Variants in SPINK13 observed in about 807,000 individuals in gnomAD.
SPINK13 encodes the protein serine protease inhibitor Kazal-type 13.
SPINK13 carries 11 observed loss-of-function variants against 11.0 expected under a neutral mutation model. The ratio of observed to expected loss-of-function variants is 1.00; its 90% CI spans 0.63 to 1.65. The LOEUF is 1.65. Among genes scored for constraint, SPINK13 ranks in the 40% most tolerant of loss-of-function variants. SPINK13 has a pLI of 0.00. For missense variants in SPINK13, 113 were observed against 117.7 expected, an observed-to-expected ratio of 0.96 and a Z score of 0.19; for synonymous variants, 31 against 35.6, an observed-to-expected ratio of 0.87 and a Z score of 0.46.
At chr5:148,270,952 T>C (rs1659274344) in intron 2 of SPINK13, 1 of 152,240 alleles carries the variant, frequency 6.6e-6, no homozygotes, top group South Asian at 2.1e-4. Context: ...CCAGGAGGAA[T>C]GCATCACTGC....
In SPINK13 at chr5:148,272,041, A is replaced by C. The variant is rs1018786720; in HGVS notation, c.70+1899A>C. Among the ~76,000 whole-genome samples the C allele has an allele frequency of 2.6e-5, 4 of 152,228 alleles. No homozygotes were observed. The South Asian group carries it at 8.3e-4, about 32-fold the overall frequency. ...TATTCATGTGTGCAGTTGTTCATTTAGTTTCATTGATGAATAATATCACAT... is the reference window on the plus strand; with the variant it reads ...TATTCATGTGTGCAGTTGTTCATTTCGTTTCATTGATGAATAATATCACAT... On this transcript the variant is annotated intron_variant, in intron 2 of 4. Coordinates refer to ENST00000398450, the MANE Select transcript of SPINK13 (RefSeq NM_001040129.3).
chr5:148,272,608 C>T (rs1008249864), intron 2 of SPINK13, among the ~76,000 whole-genome samples: 1 of 152,124 alleles, frequency 6.6e-6, no homozygotes, highest in Non-Finnish European at 1.5e-5. Context: ...ATTTGTTTAT[C>T]TTTATGCCAA....
intron 4 of SPINK13, among the ~76,000 whole-genome samples, chr5:148,284,357 C>G (rs2113377592): frequency 6.6e-6 from 1 of 152,136 alleles, no homozygotes; most frequent in South Asian, 2.1e-4. Flanking sequence ...TTCCTTTCTA[C>G]CTTGTAACTC....
intron 2 of SPINK13, among the ~76,000 whole-genome samples, chr5:148,271,089 A>G (rs1048792069): frequency 6.6e-6 from 1 of 152,234 alleles, no homozygotes; most frequent in Non-Finnish European, 1.5e-5. Flanking sequence ...CTGCAAATAA[A>G]TTACAGATTA....
chr5:148,275,299 G>T (rs574475288), intron 3 of SPINK13, among the ~76,000 whole-genome samples: 1 of 152,252 alleles, frequency 6.6e-6, no homozygotes, highest in African/African-American at 2.4e-5. Context: ...ACATGTCCCT[G>T]CAAAGGACAT....
At chr5:148,271,553 C>A (rs893154162) in intron 2 of SPINK13, among the ~76,000 whole-genome samples, 2 of 151,874 alleles carry the variant, frequency 1.3e-5, no homozygotes, top group Non-Finnish European at 2.9e-5. Flanking sequence ...TTAATATAGT[C>A]TTTTATTTAT....
chr5:148,273,021 A>G (rs899868820), intron 2 of SPINK13, among the ~76,000 whole-genome samples: 1 of 152,188 alleles, frequency 6.6e-6, no homozygotes, highest in South Asian at 2.1e-4. Flanking sequence ...ATACGTGATA[A>G]ATGGTATTTC....
intron 3 of SPINK13, among the ~76,000 whole-genome samples, chr5:148,279,948 T>C (rs1158354208): frequency 6.6e-6 from 1 of 152,214 alleles, no homozygotes; most frequent in Non-Finnish European, 1.5e-5. Context: ...TCTTTTCACA[T>C]AGTCCCATAT....
chr5:148,280,138 C>A (rs1471482503), intron 3 of SPINK13, among the ~76,000 whole-genome samples: 1 of 152,116 alleles, frequency 6.6e-6, no homozygotes, highest in Non-Finnish European at 1.5e-5. Context: ...TTCATCAAGT[C>A]ATTTATGTTC....
chr5:148,285,660 T>C (rs12655663), intron 4 of SPINK13, among the ~76,000 whole-genome samples: 13,877 of 152,226 alleles, frequency 0.091, 816 homozygotes, highest in Middle Eastern at 0.16. Flanking sequence ...GCGTGAATTA[T>C]GCATAGCATT....
In SPINK13 at chr5:148,272,236, G is replaced by A. The variant is rs549065911; in HGVS notation, c.70+2094G>A. Among the ~76,000 whole-genome samples, 6 of 152,172 alleles carry A rather than the reference G, an allele frequency of 3.9e-5. No homozygotes were observed. In the South Asian group the frequency reaches 8.3e-4, roughly 21 times the overall value. ...AGAGTTTCTCTTAGGTATATATCTGGAGTATATAGCAAGAGTAGAGTTGCT... is the reference window on the plus strand; with the variant it reads ...AGAGTTTCTCTTAGGTATATATCTGAAGTATATAGCAAGAGTAGAGTTGCT... On this transcript the variant is annotated intron_variant, in intron 2 of 4. Transcript: ENST00000398450.
At chr5:148,277,029 T>A (rs1330156191) in intron 3 of SPINK13, among the ~76,000 whole-genome samples, 1 of 152,206 alleles carries the variant, frequency 6.6e-6, no homozygotes, top group African/African-American at 2.4e-5. Flanking sequence ...TTTTATTCTC[T>A]TTTTAGCAAT....
chr5:148,272,287 A>G (rs571240827), intron 2 of SPINK13, among the ~76,000 whole-genome samples: 15 of 152,332 alleles, frequency 9.8e-5, no homozygotes, highest in African/African-American at 3.6e-4. Flanking sequence ...TGAATTTTCT[A>G]TAATAGAAGA....
chr5:148,274,372 T>C lies in SPINK13; in HGVS notation c.96T>C (p.Thr32=). ...FSGIFNKRDF[T]RWPKPRCKMY... Reference sequence around the variant, plus strand: ...GAATTTTCAATAAACGTGACTTCACTAGGTGGCCTAAGGTAAATTTAAATT... The same window carrying C: ...GAATTTTCAATAAACGTGACTTCACCAGGTGGCCTAAGGTAAATTTAAATT... The change falls in exon 3 of 5, where the codon ACT becomes ACC. Residue 32 remains threonine, a synonymous_variant. Coordinates refer to ENST00000398450, the MANE Select transcript of SPINK13 (RefSeq NM_001040129.3). 6.8e-6 allele frequency: 11 copies of C among 1,612,340 alleles called. No homozygotes were observed. Among genetic ancestry groups the C allele is most frequent in the Non-Finnish European group, 9.3e-6 (11 of 1,178,626 alleles).
intron 2 of SPINK13, among the ~76,000 whole-genome samples, chr5:148,273,382 T>C (rs1305218852): frequency 1.3e-5 from 2 of 152,140 alleles, no homozygotes; most frequent in Non-Finnish European, 2.9e-5. Flanking sequence ...TTAATTATTG[T>C]ATAGTTTTAT....
Position 148,282,110 on chromosome 5 carries a change from T to G in SPINK13, c.115T>G (p.Cys39Gly). ...TGGTGTCATGTATTTGCAGCCCCGA[T>G]GTAAAATGTATATCCCACTGGACCC... Reference protein sequence around the residue: ...RDFTRWPKPRCKMYIPLDPDY... With the variant: ...RDFTRWPKPRGKMYIPLDPDY... Residue 39 changes from cysteine (C) to glycine (G), a missense_variant, in exon 4 of 5, where the codon TGT becomes GGT. Coordinates refer to ENST00000398450, the MANE Select transcript of SPINK13 (RefSeq NM_001040129.3). The G allele has an allele frequency of 1.2e-6, 2 of 1,614,102 alleles. No individual in the cohort carries two copies. The highest frequency in any genetic ancestry group is 2.7e-5 in the African/African-American group (2 of 75,064).
intron 2 of SPINK13, among the ~76,000 whole-genome samples, chr5:148,273,944 C>T (rs926250737): frequency 1.3e-5 from 2 of 152,164 alleles, no homozygotes; most frequent in African/African-American, 4.8e-5. Context: ...AATTCAGCAT[C>T]TTGGTAGGAA....
chr5:148,275,083 C>T (rs1756405452), intron 3 of SPINK13, among the ~76,000 whole-genome samples: 1 of 152,094 alleles, frequency 6.6e-6, no homozygotes, highest in Non-Finnish European at 1.5e-5. Context: ...TTGCTGCACC[C>T]ATCAACCTGT....
At chr5:148,269,584 A>G (rs557929633) in intron 1 of SPINK13, among the ~76,000 whole-genome samples, 5 of 152,288 alleles carry the variant, frequency 3.3e-5, no homozygotes, top group African/African-American at 9.6e-5. Flanking sequence ...ATCACATGTT[A>G]TAGGGTTATA....
Sources: gnomAD v4.1 joint callset for allele counts (sites outside exome capture counted in the v4.1 genomes callset) on GRCh38, gnomAD v4.1.1 for gene constraint, MANE v1.5 for transcripts, NCBI Gene and HGNC (gene_info 2026-07-23, HGNC 2026-07-21) for gene names.